Variants in ADAMTS12 observed in about 807,000 individuals in gnomAD.
ADAMTS12 encodes A disintegrin and metalloproteinase with thrombospondin motifs 12.
A neutral mutation model predicts 167.8 loss-of-function variants in ADAMTS12; 118 were observed. The ratio of observed to expected loss-of-function variants is 0.70; its 90% CI spans 0.61 to 0.82. ADAMTS12 has a LOEUF of 0.82. ADAMTS12 is among the 40% of genes least tolerant of loss of function. ADAMTS12 has a pLI of 0.00. For missense variants in ADAMTS12, 1,916 were observed against 1,998.8 expected, an observed-to-expected ratio of 0.96 and a Z score of 0.79; for synonymous variants, 704 against 716.9, an observed-to-expected ratio of 0.98 and a Z score of 0.29.
intron 2 of ADAMTS12, chr5:33,840,217 T>C (rs1748697465): frequency 6.6e-6 from 1 of 152,244 alleles, no homozygotes; most frequent in African/African-American, 2.4e-5. Flanking sequence ...ATAGCCTACT[T>C]TATTCTTTTA....
intron 2 of ADAMTS12, among the ~76,000 whole-genome samples, chr5:33,788,404 G>A (rs1013423931): frequency 5.3e-5 from 8 of 152,088 alleles, no homozygotes; most frequent in African/African-American, 1.9e-4. Context: ...AAAGAGGGGA[G>A]GGATGGGAAG....
chr5:33,730,803 A>G (rs1744164876), intron 3 of ADAMTS12, among the ~76,000 whole-genome samples: 1 of 152,196 alleles, frequency 6.6e-6, no homozygotes. Context: ...AAGACAGGCA[A>G]CCCTTTGCAT....
intron 15 of ADAMTS12, among the ~76,000 whole-genome samples, chr5:33,614,853 A>G (rs1738909047): frequency 6.6e-6 from 1 of 152,240 alleles, no homozygotes; most frequent in African/African-American, 2.4e-5. Context: ...GGGTTAAATG[A>G]GTAAACACAT....
chr5:33,812,363 C>A (rs928612847), intron 2 of ADAMTS12, among the ~76,000 whole-genome samples: 2 of 152,116 alleles, frequency 1.3e-5, no homozygotes. Flanking sequence ...CAGTTTTAGG[C>A]AAGTTGGTTT....
At chr5:33,729,056 T>C (rs1162865056) in intron 3 of ADAMTS12, among the ~76,000 whole-genome samples, 1 of 152,232 alleles carries the variant, frequency 6.6e-6, no homozygotes, top group Non-Finnish European at 1.5e-5. Flanking sequence ...AAATATGAAA[T>C]ATTAACAATA....
chr5:33,627,207 T>C (rs1038126326), intron 13 of ADAMTS12, among the ~76,000 whole-genome samples: 1 of 139,918 alleles, frequency 7.1e-6, no homozygotes, highest in Non-Finnish European at 1.5e-5. Context: ...GGTGGGGTGA[T>C]GGTGGTAGTG....
chr5:33,565,280 C>T (rs1309736706), intron 19 of ADAMTS12, among the ~76,000 whole-genome samples: 2 of 152,140 alleles, frequency 1.3e-5, no homozygotes, highest in South Asian at 2.1e-4. Context: ...TTCAGGCTCC[C>T]GAGTAGCTGG....
chr5:33,714,302 G>T (rs1743519288), intron 3 of ADAMTS12, among the ~76,000 whole-genome samples: 2 of 152,062 alleles, frequency 1.3e-5, no homozygotes, highest in Non-Finnish European at 2.9e-5. Flanking sequence ...CGGAAGAAAA[G>T]GAACTCTCAA....
At chr5:33,799,658 G>A (rs532578786) in intron 2 of ADAMTS12, among the ~76,000 whole-genome samples, 4 of 152,330 alleles carry the variant, frequency 2.6e-5, no homozygotes, top group South Asian at 4.1e-4. Flanking sequence ...CCTCTAGTCC[G>A]ATGCTGACAC....
chr5:33,683,034 A>G lies in ADAMTS12; in HGVS notation c.899T>C (p.Leu300Pro). Residue 300 changes from leucine (L) to proline (P), a missense_variant, in exon 5 of 24, where the codon CTA becomes CCA. By Grantham distance (98) the Leu-to-Pro change is moderately conservative. Coordinates refer to ENST00000504830, the MANE Select transcript of ADAMTS12 (RefSeq NM_030955.4). ...AAATGTTACCTCTTCTTCTTCGAGT[A>G]GAATGAGCCGAACCACAACAATGTG... ...AIHIVVVRLILLEEEEQGLKI... is the reference protein window; with the variant it reads ...AIHIVVVRLIPLEEEEQGLKI... 1 of 1,613,148 alleles carries G rather than the reference A, an allele frequency of 6.2e-7. No homozygotes were observed. Among genetic ancestry groups the G allele is most frequent in the Non-Finnish European group, 8.5e-7 (1 of 1,179,566 alleles).
At chr5:33,827,435 A>G (rs866295672) in intron 2 of ADAMTS12, among the ~76,000 whole-genome samples, 2 of 152,148 alleles carry the variant, frequency 1.3e-5, no homozygotes, top group East Asian at 1.9e-4. Flanking sequence ...CCTTCATTTC[A>G]GTCTGTGCTG....
chr5:33,608,273 A>T (rs184234614), intron 16 of ADAMTS12, among the ~76,000 whole-genome samples: 1 of 152,232 alleles, frequency 6.6e-6, no homozygotes, highest in South Asian at 2.1e-4. Flanking sequence ...GGCAAAGGAG[A>T]TAAGACGTGC....
In ADAMTS12 at chr5:33,641,800, C is replaced by T. The variant is rs181641235; in HGVS notation, c.1718+10G>A. 9 of 1,597,492 alleles carry T rather than the reference C, an allele frequency of 5.6e-6. No individual in the cohort carries two copies. The African/African-American group carries it at 6.7e-5, about 12-fold the overall frequency. On this transcript the variant is annotated intron_variant, in intron 11 of 23. Transcript: ENST00000504830. ...GTGGAGAGAAGGGAAATATATTTAT[C>T]TGGACTCACTCGGGGTTGTTGCAGA...
intron 3 of ADAMTS12, among the ~76,000 whole-genome samples, chr5:33,724,130 C>A (rs369369482): frequency 2.0e-5 from 3 of 152,218 alleles, no homozygotes; most frequent in African/African-American, 7.2e-5. Flanking sequence ...TCAACACCCT[C>A]TGGATTTCAG....
intron 2 of ADAMTS12, among the ~76,000 whole-genome samples, chr5:33,869,909 A>T (rs1749971120): frequency 6.6e-6 from 1 of 152,226 alleles, no homozygotes; most frequent in Non-Finnish European, 1.5e-5. Context: ...CCTATCTACA[A>T]CTGCATAAGG....
At chr5:33,569,381 T>C (rs1746189232) in intron 19 of ADAMTS12, among the ~76,000 whole-genome samples, 1 of 152,154 alleles carries the variant, frequency 6.6e-6, no homozygotes, top group African/African-American at 2.4e-5. Context: ...CACGGTCAGG[T>C]ACTCCTCTGA....
rs75015020 is a variant in ADAMTS12 at position 33,780,426 on chromosome 5, T to G, written c.490-28878A>C. ...TTTACAGATAAGGGATTCAATGATA[T>G]TTTTACAAAGAAACATGTGCATGAT... On this transcript the variant is annotated intron_variant, in intron 2 of 23. Coordinates refer to ENST00000504830, the MANE Select transcript of ADAMTS12 (RefSeq NM_030955.4). 7.7e-4 allele frequency among the ~76,000 whole-genome samples: 117 copies of G among 152,304 alleles called. No individual in the cohort carries two copies. The East Asian group carries it at 0.02, about 26-fold the overall frequency.
intron 18 of ADAMTS12, among the ~76,000 whole-genome samples, chr5:33,585,721 G>C (rs1332875441): frequency 6.6e-6 from 1 of 152,170 alleles, no homozygotes; most frequent in African/African-American, 2.4e-5. Context: ...TAAGATTCTT[G>C]GTAAAACCTG....
At chr5:33,624,592 G>C (rs1363359689) in intron 13 of ADAMTS12, among the ~76,000 whole-genome samples, 1 of 152,198 alleles carries the variant, frequency 6.6e-6, no homozygotes, top group Non-Finnish European at 1.5e-5. Flanking sequence ...AATTTCCCGA[G>C]TCAGAGGCAG....
Sources: gnomAD v4.1 joint callset for allele counts (sites outside exome capture counted in the v4.1 genomes callset) on GRCh38, gnomAD v4.1.1 for gene constraint, MANE v1.5 for transcripts, NCBI Gene and HGNC (gene_info 2026-07-23, HGNC 2026-07-21) for gene names.